KIAA0319: variants seen among roughly 807,000 people sequenced by gnomAD.
KIAA0319 encodes dyslexia-associated protein KIAA0319.
Under a neutral mutation model 108.4 loss-of-function variants are expected in KIAA0319, and 83 were observed. That is an observed-to-expected ratio of 0.77 (90% confidence interval 0.64 to 0.92). The LOEUF is 0.92. KIAA0319 is among the 40% of genes least tolerant of loss of function. KIAA0319 has a pLI of 0.00. For synonymous variants in KIAA0319, 484 were observed against 510.4 expected, an observed-to-expected ratio of 0.95 and a Z score of 0.70; for missense variants, 1,195 against 1,322.4, an observed-to-expected ratio of 0.90 and a Z score of 1.49.
At chr6:24,552,527 C>G (rs1230048146) in intron 19 of KIAA0319, among the ~76,000 whole-genome samples, 1 of 152,220 alleles carries the variant, frequency 6.6e-6, no homozygotes, top group Admixed American at 6.5e-5. Flanking sequence ...GGCTCCCTTT[C>G]ACCAGTCTTA....
chr6:24,634,707 C>A (rs1475104963), intron 1 of KIAA0319, among the ~76,000 whole-genome samples: 3 of 152,148 alleles, frequency 2.0e-5, no homozygotes, highest in South Asian at 4.1e-4. Context: ...TAGTCCTAAC[C>A]GGTCATATGA....
chr6:24,563,317 T>C, intron 16 of KIAA0319, 42 bp downstream of exon 16: 2 of 1,578,026 alleles, frequency 1.3e-6, no homozygotes, highest in Non-Finnish European at 1.7e-6. Context: ...AGAGCTGGAA[T>C]TTTGTACGGC....
At position 24,545,369 on chromosome 6, in the gene KIAA0319, T is replaced by C. The variant is rs1280132444; in HGVS notation, c.*1796A>G. Reference sequence around the variant, plus strand: ...ATGTAAACTGCATATGTTATGTACATAAAGCGGTAAATGTTCACTCCCTTC... The same window carrying C: ...ATGTAAACTGCATATGTTATGTACACAAAGCGGTAAATGTTCACTCCCTTC... On this transcript the variant is annotated 3_prime_UTR_variant, in exon 21 of 21. Coordinates refer to ENST00000378214, the MANE Select transcript of KIAA0319 (RefSeq NM_014809.4). 1 of 152,154 alleles carries C rather than the reference T, an allele frequency of 6.6e-6. No individual in the cohort carries two copies. Among genetic ancestry groups the C allele is most frequent in the Non-Finnish European group, 1.5e-5 (1 of 68,034 alleles). The allele number at this position is 152,154 out of a possible 1,614,324, so 9.4% of individuals were successfully genotyped here.
At chr6:24,601,681 G>T (rs796903017) in intron 1 of KIAA0319, among the ~76,000 whole-genome samples, 3 of 152,328 alleles carry the variant, frequency 2.0e-5, no homozygotes, top group African/African-American at 7.2e-5. Context: ...GGCATGTTTG[G>T]CTTTCTCTGA....
In KIAA0319 at chr6:24,641,223, T is replaced by C. The variant is rs148351594; in HGVS notation, c.-106+4513A>G. 1.9e-3 allele frequency among the ~76,000 whole-genome samples: 292 copies of C among 152,386 alleles called. 1 individual carries two copies. Among genetic ancestry groups the C allele is most frequent in the African/African-American group, 6.7e-3 (279 of 41,600 alleles). On this transcript the variant is annotated intron_variant, in intron 1 of 20. Coordinates refer to ENST00000378214, the MANE Select transcript of KIAA0319 (RefSeq NM_014809.4). ...TTCAAGGTTCATCCATGTTGCAGCA[T>C]GTATCAAAATTTCCTTCCTTTTTAA... is the stretch of plus-strand genomic sequence containing the variant.
In KIAA0319 at chr6:24,544,372, A is replaced by G. The variant is rs146154106; in HGVS notation, c.*2793T>C. On this transcript the variant is annotated 3_prime_UTR_variant, in exon 21 of 21. Coordinates refer to ENST00000378214, the MANE Select transcript of KIAA0319 (RefSeq NM_014809.4). ...GACACCTTTATTTAGATTAGTGCAT[A>G]TATTTAATAGTGTGATATTAGAAAT... is the stretch of plus-strand genomic sequence containing the variant. 81 of 152,348 alleles carry G rather than the reference A, an allele frequency of 5.3e-4. 1 individual carries two copies. Among genetic ancestry groups the G allele is most frequent in the African/African-American group, 1.9e-3 (81 of 41,570 alleles). The allele number at this position is 152,348 out of a possible 1,614,324, so 9.4% of individuals were successfully genotyped here.
In KIAA0319 at chr6:24,618,807, A is replaced by G. The variant is rs372464377; in HGVS notation, c.-105-17599T>C. Among the ~76,000 whole-genome samples the G allele has an allele frequency of 2.6e-5, 4 of 151,812 alleles. No individual in the cohort carries two copies. The East Asian group carries it at 5.8e-4, about 22-fold the overall frequency. On this transcript the variant is annotated intron_variant, in intron 1 of 20. Coordinates refer to ENST00000378214, the MANE Select transcript of KIAA0319 (RefSeq NM_014809.4). The stretch of plus-strand genomic sequence containing the variant: ...TAGTAGCAAGGTACAAGACTAAAAG[A>G]AAAAAAAAGATCCTGGCAGATTTGA...
intron 1 of KIAA0319, among the ~76,000 whole-genome samples, chr6:24,613,854 T>A (rs76221663): frequency 1.4e-3 from 211 of 152,308 alleles, no homozygotes; most frequent in African/African-American, 4.8e-3. Flanking sequence ...ACAGCTTTCA[T>A]CTCAGCTGGG....
At chr6:24,547,504 A>C (rs1001155994) in intron 20 of KIAA0319, among the ~76,000 whole-genome samples, 161 bp from the exon 21 acceptor site, 4 of 152,162 alleles carry the variant, frequency 2.6e-5, no homozygotes, top group Non-Finnish European at 2.9e-5. Context: ...CTAGCAAGTA[A>C]CTGCAGGGGC....
intron 13 of KIAA0319, among the ~76,000 whole-genome samples, chr6:24,567,728 T>C (rs914088872): frequency 1.2e-4 from 19 of 152,022 alleles, no homozygotes; most frequent in African/African-American, 4.4e-4. Flanking sequence ...AATGAGGCAA[T>C]GTAAAAGCCA....
In KIAA0319 at chr6:24,569,916, A is replaced by G; in HGVS notation, c.1978T>C (p.Trp660Arg). 6.2e-7 allele frequency: 1 copy of G among 1,614,108 alleles called. No homozygotes were observed. Among genetic ancestry groups the G allele is most frequent in the Non-Finnish European group, 8.5e-7 (1 of 1,179,960 alleles). Residue 660 changes from tryptophan to arginine, a missense_variant, in exon 12 of 21, where the codon TGG becomes CGG. Coordinates refer to ENST00000378214, the MANE Select transcript of KIAA0319 (RefSeq NM_014809.4). ...SDDHGIVFYH[W>R]EHVRGPSAVE... Reference sequence around the variant, plus strand: ...GAGACAGACTACCTGACGTGCTCCCAGTGGTAGAAGACAATGCCGTGGTCA... The same window carrying G: ...GAGACAGACTACCTGACGTGCTCCCGGTGGTAGAAGACAATGCCGTGGTCA...
intron 1 of KIAA0319, among the ~76,000 whole-genome samples, chr6:24,603,743 G>A (rs1770995153): frequency 6.6e-6 from 1 of 152,162 alleles, no homozygotes; most frequent in South Asian, 2.1e-4. Context: ...GAAATAACCA[G>A]AAAGGACAAG....
chr6:24,606,901 CAG>C (rs1321429937), intron 1 of KIAA0319, among the ~76,000 whole-genome samples: 1 of 152,228 alleles, frequency 6.6e-6, no homozygotes, highest in African/African-American at 2.4e-5. Context: ...TAGGACTACA[CAG>C]AGGCCTTGAG....
chr6:24,638,050 A>G (rs1448775368), intron 1 of KIAA0319, among the ~76,000 whole-genome samples: 5 of 152,214 alleles, frequency 3.3e-5, no homozygotes, highest in African/African-American at 7.2e-5. Flanking sequence ...CACCTTTAAA[A>G]TATGTAATAC....
intron 17 of KIAA0319, 65 bp downstream of exon 17, chr6:24,558,948 T>C (rs1762702605): frequency 1.4e-6 from 2 of 1,455,788 alleles, no homozygotes; most frequent in Non-Finnish European, 9.3e-7. Context: ...TCCTCTTCTA[T>C]GTTTGTCAAA....
intron 4 of KIAA0319, among the ~76,000 whole-genome samples, chr6:24,587,677 C>T (rs1767746547): frequency 1.3e-5 from 2 of 152,102 alleles, no homozygotes; most frequent in African/African-American, 2.4e-5. Flanking sequence ...ACCTCTGCCT[C>T]CTGGGTTCAA....
At chr6:24,626,754 G>T (rs1774776615) in intron 1 of KIAA0319, among the ~76,000 whole-genome samples, 1 of 152,194 alleles carries the variant, frequency 6.6e-6, no homozygotes, top group Non-Finnish European at 1.5e-5. Flanking sequence ...TTCCCTTTGG[G>T]AGTTTCCATT....
intron 19 of KIAA0319, among the ~76,000 whole-genome samples, chr6:24,553,106 G>A (rs893541193): frequency 1.1e-4 from 17 of 151,562 alleles, no homozygotes; most frequent in South Asian, 1.0e-3. Flanking sequence ...TCTCTTTGGC[G>A]GTGTTATTGC....
At chr6:24,630,710 T>TAC (rs201048717) in intron 1 of KIAA0319, among the ~76,000 whole-genome samples, 66 of 138,690 alleles carry the variant, frequency 4.8e-4, no homozygotes, top group Non-Finnish European at 7.2e-4. Context: ...TATACACATA[T>TAC]ACACACAAAC....
Sources: allele counts gnomAD v4.1 joint callset (sites outside exome capture counted in the v4.1 genomes callset), GRCh38; gene constraint gnomAD v4.1.1; transcripts MANE v1.5; gene names NCBI Gene and HGNC (gene_info 2026-07-23, HGNC 2026-07-21).